UNC13C: variants seen among roughly 807,000 people sequenced by gnomAD.
The protein encoded by UNC13C is unc-13 homolog C, also known as protein unc-13 homolog C.
A neutral mutation model predicts 245.4 loss-of-function variants in UNC13C; 174 were observed. That is an observed-to-expected ratio of 0.71 (90% CI 0.63 to 0.80). UNC13C has a LOEUF of 0.80. UNC13C is among the 30% of genes least tolerant of loss of function. UNC13C has a pLI of 0.00. For missense variants in UNC13C, 2,829 were observed against 2,602.9 expected, an observed-to-expected ratio of 1.09 and a Z score of -1.89; for synonymous variants, 992 against 895.1, an observed-to-expected ratio of 1.11 and a Z score of -1.93.
chr15:54,320,804 T>A, intron 13 of UNC13C: 2 of 335,312 alleles, frequency 6.0e-6, no homozygotes, highest in Non-Finnish European at 1.2e-5. Flanking sequence ...TGGCAAAGTA[T>A]TGGCCTCCAT....
chr15:54,070,031 C>T (rs940502758), intron 2 of UNC13C, among the ~76,000 whole-genome samples: 1 of 152,204 alleles, frequency 6.6e-6, no homozygotes, highest in African/African-American at 2.4e-5. Flanking sequence ...GTAATAAGCT[C>T]AAGGTCATAG....
chr15:54,628,330 A>G lies in UNC13C; in HGVS notation c.*1217A>G, dbSNP rs1346387254. The G allele has an allele frequency of 6.6e-6, 1 of 152,516 alleles. No individual in the cohort carries two copies. Among genetic ancestry groups the G allele is most frequent in the African/African-American group, 2.4e-5 (1 of 41,456 alleles). The allele number at this position is 152,516 out of a possible 1,614,324, so 9.4% of individuals were successfully genotyped here. ...TACTTTGTAATTATAACTTATGGTC[A>G]TAACTGTTAGTGGACTACTTACAGA... On this transcript the variant is annotated 3_prime_UTR_variant, in exon 33 of 33. Transcript: ENST00000260323.
intron 4 of UNC13C, among the ~76,000 whole-genome samples, chr15:54,148,659 C>T (rs919776609): frequency 6.6e-5 from 10 of 152,160 alleles, no homozygotes; most frequent in African/African-American, 2.4e-4. Flanking sequence ...TCTTATCTCT[C>T]ATAGCTGAGA....
chr15:54,404,077 C>A (rs768754717), intron 18 of UNC13C, among the ~76,000 whole-genome samples: 8 of 152,120 alleles, frequency 5.3e-5, no homozygotes, highest in African/African-American at 7.2e-5. Flanking sequence ...GCAGAGCATA[C>A]TAACAAAGGC....
intron 28 of UNC13C, among the ~76,000 whole-genome samples, chr15:54,554,176 C>A (rs1422196388): frequency 6.6e-6 from 1 of 151,904 alleles, no homozygotes; most frequent in Non-Finnish European, 1.5e-5. Context: ...TTACTGAGTG[C>A]CTAGCAGATA....
At chr15:53,962,647 G>C in the UNC13C span, among the ~76,000 whole-genome samples, 1 of 152,174 alleles carries the variant, frequency 6.6e-6, no homozygotes, top group Admixed American at 6.5e-5. Flanking sequence ...GATGCTGACT[G>C]TTCCATTTAA....
In UNC13C at chr15:54,086,737, C is replaced by CTTTTTTTTTTTTTTTTTTTTTTTTT. The variant is rs57209912; in HGVS notation, c.2984-56263_2984-56262insTTTTTTTTTTTTTTTTTTTTTTTTT. On this transcript the variant is annotated intron_variant, in intron 2 of 32. Transcript: ENST00000260323. Reference sequence around the variant, plus strand: ...GTACTATGTGTTGCTTATTTTCTTTCTTTTTTTTTTTTTTTTTTGAGATGG... The same window carrying CTTTTTTTTTTTTTTTTTTTTTTTTT: ...GTACTATGTGTTGCTTATTTTCTTTCTTTTTTTTTTTTTTTTTTTTTTTTTTTTTTTTTTTTTTTTTTTGAGATGG... 2.9e-4 allele frequency among the ~76,000 whole-genome samples: 27 copies of CTTTTTTTTTTTTTTTTTTTTTTTTT among 92,008 alleles called. 3 individuals are homozygous for CTTTTTTTTTTTTTTTTTTTTTTTTT. The highest frequency in any genetic ancestry group is 4.2e-4 in the Non-Finnish European group (20 of 47,064). 60.4% of individuals were successfully genotyped at this position (92,008 alleles called of 152,430 possible).
intron 17 of UNC13C, among the ~76,000 whole-genome samples, chr15:54,361,286 A>G (rs1159356743): frequency 6.6e-6 from 1 of 151,872 alleles, no homozygotes; most frequent in African/African-American, 2.4e-5. Context: ...TGTATTCTCT[A>G]TTCATTGTAT....
chr15:54,212,778 T>C (rs1249037161), intron 4 of UNC13C, among the ~76,000 whole-genome samples: 1 of 152,088 alleles, frequency 6.6e-6, no homozygotes. Flanking sequence ...TAGATGGATA[T>C]GTCCTCTTTC....
chr15:54,218,319 C>T (rs1397187992), intron 4 of UNC13C, among the ~76,000 whole-genome samples: 1 of 151,850 alleles, frequency 6.6e-6, no homozygotes, highest in African/African-American at 2.4e-5. Flanking sequence ...CTGAGAAATC[C>T]TGAAGTTAAG....
At chr15:54,400,743 G>T (rs1230053316) in intron 18 of UNC13C, among the ~76,000 whole-genome samples, 1 of 151,990 alleles carries the variant, frequency 6.6e-6, no homozygotes, top group Non-Finnish European at 1.5e-5. Flanking sequence ...ATGACAAAAC[G>T]GTGGGTTTTT....
chr15:54,463,643 C>T (rs1892004043), intron 19 of UNC13C, among the ~76,000 whole-genome samples: 1 of 152,128 alleles, frequency 6.6e-6, no homozygotes, highest in Non-Finnish European at 1.5e-5. Flanking sequence ...ACTCCGAACA[C>T]ATCCGAACAT....
At chr15:54,252,938 C>A (rs1382264055) in intron 8 of UNC13C, among the ~76,000 whole-genome samples, 1 of 152,150 alleles carries the variant, frequency 6.6e-6, no homozygotes, top group Non-Finnish European at 1.5e-5. Context: ...CTTGTAATTT[C>A]TACCCATTAC....
At chr15:53,967,106 G>A in the UNC13C span, among the ~76,000 whole-genome samples, 2 of 151,558 alleles carry the variant, frequency 1.3e-5, no homozygotes, top group African/African-American at 4.8e-5. Context: ...TTCCTATCTT[G>A]TATCATTTTA....
At chr15:54,406,271 A>G (rs1188803464) in intron 18 of UNC13C, among the ~76,000 whole-genome samples, 2 of 152,210 alleles carry the variant, frequency 1.3e-5, no homozygotes, top group East Asian at 1.9e-4. Context: ...AGGCCTGCTC[A>G]TTCACATTCC....
chr15:54,514,038 T>G (rs1168182170), intron 24 of UNC13C, among the ~76,000 whole-genome samples: 1 of 152,182 alleles, frequency 6.6e-6, no homozygotes, highest in Non-Finnish European at 1.5e-5. Context: ...AAATAGAAGC[T>G]TAATTGATAC....
chr15:54,412,919 A>T (rs976508107), intron 18 of UNC13C, among the ~76,000 whole-genome samples: 1 of 152,162 alleles, frequency 6.6e-6, no homozygotes, highest in Non-Finnish European at 1.5e-5. Context: ...GGTTTTGTAG[A>T]TTCTCTTTAT....
intron 2 of UNC13C, among the ~76,000 whole-genome samples, chr15:54,040,075 CTCCTT>C (rs1483638573): frequency 6.6e-6 from 1 of 152,080 alleles, no homozygotes; most frequent in Non-Finnish European, 1.5e-5. Context: ...CCTCTCCAAG[CTCCTT>C]TCTTGTTCTT....
chr15:54,304,453 C>G (rs2037670331), intron 13 of UNC13C, among the ~76,000 whole-genome samples: 2 of 151,976 alleles, frequency 1.3e-5, no homozygotes, highest in African/African-American at 4.8e-5. Flanking sequence ...CTTATCATGA[C>G]AAGCCTAACA....
Sources: gnomAD v4.1 joint callset for allele counts (sites outside exome capture counted in the v4.1 genomes callset) on GRCh38, gnomAD v4.1.1 for gene constraint, MANE v1.5 for transcripts, NCBI Gene and HGNC (gene_info 2026-07-23, HGNC 2026-07-21) for gene names.